TMEM255B: variants seen among roughly 807,000 people sequenced by gnomAD.
The protein encoded by TMEM255B is family with sequence similarity 70, member B.
In TMEM255B, 35 loss-of-function variants were observed where a neutral mutation model predicts 34.5. That is an observed-to-expected ratio of 1.01 (90% CI 0.77 to 1.34). TMEM255B has a LOEUF of 1.34. TMEM255B is among the 40% of genes most tolerant of loss of function. The pLI is 0.00. For synonymous variants in TMEM255B, 206 were observed against 201.2 expected (o/e 1.02, Z -0.20); for missense variants, 432 against 433.2 (o/e 1.00, Z 0.02).
Position 113,803,944 on chromosome 13 carries a change from G to A in TMEM255B, c.670-941G>A, listed in dbSNP as rs184931313. Reference sequence around the variant, plus strand: ...CGGGTTGTCACCGTGTCCCCGGGTCGTCACCGTGGCCAGCCCCTCGCAGCG... The same window carrying A: ...CGGGTTGTCACCGTGTCCCCGGGTCATCACCGTGGCCAGCCCCTCGCAGCG... On this transcript the variant is annotated intron_variant, in intron 7 of 8. Coordinates refer to ENST00000375353, the MANE Select transcript of TMEM255B (RefSeq NM_182614.4). 3.8e-3 allele frequency among the ~76,000 whole-genome samples: 583 copies of A among 152,348 alleles called. 7 individuals are homozygous for A. The highest frequency in any genetic ancestry group is 0.013 in the African/African-American group (539 of 41,562).
At chr13:113,768,913 A>T (rs1248238647) in intron 2 of TMEM255B, 185 bp from the exon 3 acceptor site, 1 of 692,030 alleles carries the variant, frequency 1.4e-6, no homozygotes, top group Non-Finnish European at 2.7e-6. Context: ...GATGTTGCAG[A>T]GATGCCTGCC....
rs1018370472 is a variant in TMEM255B at position 113,814,582 on chromosome 13, G to T, written c.*2679G>T. 6.6e-6 allele frequency: 1 copy of T among 152,234 alleles called. No individual in the cohort carries two copies. The highest frequency in any genetic ancestry group is 2.4e-5 in the African/African-American group (1 of 41,448). The allele number at this position is 152,234 out of a possible 1,614,324, so 9.4% of individuals were successfully genotyped here. A position where few individuals can be genotyped will look rare whatever the true frequency, so the allele number is the denominator to read the frequency against. On this transcript the variant is annotated 3_prime_UTR_variant, in exon 9 of 9. Coordinates refer to ENST00000375353, the MANE Select transcript of TMEM255B (RefSeq NM_182614.4). The stretch of plus-strand genomic sequence containing the variant: ...GGTCCCAGGGCAGCTCCCACCTGGC[G>T]CAGGGCTCCGGCCAATGCCTGGCCT...
At chr13:113,766,823 G>A (rs574031478) in intron 2 of TMEM255B, among the ~76,000 whole-genome samples, 5 of 152,230 alleles carry the variant, frequency 3.3e-5, no homozygotes, top group South Asian at 4.1e-4. Flanking sequence ...TCATCCACCC[G>A]TCAGGCCAGA....
At chr13:113,781,546 A>G (rs2050666624) in intron 3 of TMEM255B, among the ~76,000 whole-genome samples, 1 of 152,242 alleles carries the variant, frequency 6.6e-6, no homozygotes, top group Non-Finnish European at 1.5e-5. Context: ...ACTTTTGGTG[A>G]AGACCTTGGT....
chr13:113,790,145 GGC>G lies in TMEM255B; in HGVS notation c.253-5002_253-5001del, dbSNP rs1434583781. Among the ~76,000 whole-genome samples the G allele has an allele frequency of 5.4e-5, 7 of 129,346 alleles. No individual in the cohort carries two copies. The South Asian group carries it at 1.5e-3, about 27-fold the overall frequency. 84.9% of individuals were successfully genotyped at this position (129,346 alleles called of 152,430 possible). A position where few individuals can be genotyped will look rare whatever the true frequency, so the allele number is the denominator to read the frequency against. On this transcript the variant is annotated intron_variant, in intron 3 of 8. Transcript: ENST00000375353. ...GGACATCCTAGTGCTGGACTGACCG[GGC>G]ACATGGACATCCTAACACTGAACTG...
Position 113,770,575 on chromosome 13 carries a change from G to C in TMEM255B, c.252+1415G>C, listed in dbSNP as rs1266019261. ...GCAAAGCGTTCTGTTCTGCATAGTAGAGACAGTGTGCACTGCAGGGTGAGC... is the reference window on the plus strand; with the variant it reads ...GCAAAGCGTTCTGTTCTGCATAGTACAGACAGTGTGCACTGCAGGGTGAGC... On this transcript the variant is annotated intron_variant, in intron 3 of 8. Transcript: ENST00000375353. The surrounding 1 kb of genome is among the most constrained non-coding windows in gnomAD (Gnocchi z 4.6). Among the ~76,000 whole-genome samples the C allele has an allele frequency of 6.6e-6, 1 of 152,204 alleles. No individual in the cohort carries two copies. Among genetic ancestry groups the C allele is most frequent in the Non-Finnish European group, 1.5e-5 (1 of 68,044 alleles).
intron 3 of TMEM255B, among the ~76,000 whole-genome samples, chr13:113,784,411 G>A (rs1566730087): frequency 6.6e-6 from 1 of 152,136 alleles, no homozygotes; most frequent in Non-Finnish European, 1.5e-5. Context: ...GCCAGGGGAG[G>A]GCAGATCTTA....
chr13:113,806,920 G>A lies in TMEM255B; in HGVS notation c.813+1892G>A, dbSNP rs113384706. Among the ~76,000 whole-genome samples the A allele has an allele frequency of 6.2e-3, 941 of 152,268 alleles. 10 individuals carry two copies. The highest frequency in any genetic ancestry group is 0.022 in the African/African-American group (896 of 41,546). ...TCTACACAGACACAGACTTGGAATCGCATGGGTGCCAAGAACGTGCAGCCC... is the reference window on the plus strand; with the variant it reads ...TCTACACAGACACAGACTTGGAATCACATGGGTGCCAAGAACGTGCAGCCC... On this transcript the variant is annotated intron_variant, in intron 8 of 8. Coordinates refer to ENST00000375353, the MANE Select transcript of TMEM255B (RefSeq NM_182614.4). The surrounding 1 kb of genome is among the most constrained non-coding windows in gnomAD (Gnocchi z 4.2).
Position 113,769,215 on chromosome 13 carries a change from C to T in TMEM255B, c.252+55C>T, listed in dbSNP as rs906041447. ...ATGAGTCCCTCATCAGGGGATGGTA[C>T]AGCTGCACTGGGGCTCTGAGAAGAG... On this transcript the variant is annotated intron_variant, in intron 3 of 8. Coordinates refer to ENST00000375353, the MANE Select transcript of TMEM255B (RefSeq NM_182614.4). This position sits in a 1 kb window ranked among gnomAD's most constrained non-coding sequence, Gnocchi z 4.2. 2.0e-5 allele frequency: 32 copies of T among 1,586,682 alleles called. No homozygotes were observed. The highest frequency in any genetic ancestry group is 2.7e-5 in the Non-Finnish European group (31 of 1,155,512).
intron 3 of TMEM255B, among the ~76,000 whole-genome samples, chr13:113,779,448 T>C (rs1220320183): frequency 6.6e-6 from 1 of 152,078 alleles, no homozygotes; most frequent in African/African-American, 2.4e-5. Flanking sequence ...AGAGGTGGAT[T>C]TGTTCCCGGA....
At chr13:113,798,377 T>C (rs908092068) in intron 4 of TMEM255B, among the ~76,000 whole-genome samples, 2 of 150,088 alleles carry the variant, frequency 1.3e-5, no homozygotes, top group Non-Finnish European at 3.0e-5. Flanking sequence ...GGATGGATAA[T>C]GGATGGATGA....
At chr13:113,771,983 C>T in intron 3 of TMEM255B, among the ~76,000 whole-genome samples, 1 of 152,124 alleles carries the variant, frequency 6.6e-6, no homozygotes, top group East Asian at 1.9e-4. Context: ...CATGAGGGCT[C>T]CTGTTTCTCC....
intron 3 of TMEM255B, among the ~76,000 whole-genome samples, chr13:113,775,573 G>C (rs1431589669): frequency 6.6e-6 from 1 of 152,252 alleles, no homozygotes; most frequent in Non-Finnish European, 1.5e-5. Context: ...CCCCGAGTAG[G>C]TCCCACAAGG....
chr13:113,811,797 C>T lies in TMEM255B; in HGVS notation c.875C>T (p.Pro292Leu), dbSNP rs565775307. 81 of 1,613,954 alleles carry T rather than the reference C, an allele frequency of 5.0e-5. No homozygotes were observed. In the South Asian group the frequency reaches 8.1e-4, roughly 16 times the overall value. ...SALASSEDLQ[P>L]PSPSSSGSGL... The stretch of plus-strand genomic sequence containing the variant: ...CTGGCTTCGTCTGAGGACCTGCAGC[C>T]CCCTTCTCCAAGCAGCTCTGGCTCT... The change falls in exon 9 of 9, where the codon CCC (proline) becomes CTC (leucine). Residue 292 changes from proline to leucine, a missense_variant. Coordinates refer to ENST00000375353, the MANE Select transcript of TMEM255B (RefSeq NM_182614.4).
In TMEM255B at chr13:113,804,946, C is replaced by A; in HGVS notation, c.731C>A (p.Ala244Asp). Residue 244 changes from alanine (A) to aspartate (D), a missense_variant, in exon 8 of 9, where the codon GCC (alanine) becomes GAC (aspartate). Physicochemically the swap from Ala to Asp is moderately radical, Grantham distance 126. Transcript: ENST00000375353. ...CCACCACAGACCCTCTACAACCCCG[C>A]CCAGCAGATCCTGGCCTACGCAGGC... is the stretch of plus-strand genomic sequence containing the variant. Reference protein sequence around the residue: ...AVPPQTLYNPAQQILAYAGFR... With the variant: ...AVPPQTLYNPDQQILAYAGFR... 1 of 1,606,366 alleles carries A rather than the reference C, an allele frequency of 6.2e-7. No individual in the cohort carries two copies.
intron 3 of TMEM255B, among the ~76,000 whole-genome samples, chr13:113,776,390 C>G (rs571727552): frequency 6.6e-6 from 1 of 152,196 alleles, no homozygotes; most frequent in Admixed American, 6.5e-5. Flanking sequence ...GGGGCTGACT[C>G]GGCGGCTCTG....
chr13:113,809,437 C>T (rs1211970707), intron 8 of TMEM255B, among the ~76,000 whole-genome samples: 2 of 116,676 alleles, frequency 1.7e-5, no homozygotes, highest in Non-Finnish European at 3.4e-5. Context: ...GGGATTTATG[C>T]TGTGGTTCCT....
chr13:113,759,745 T>G (rs1281966649), intron 1 of TMEM255B, among the ~76,000 whole-genome samples: 1 of 152,202 alleles, frequency 6.6e-6, no homozygotes, highest in Non-Finnish European at 1.5e-5. Context: ...AAACTTCGTT[T>G]GGAAGAGCGA....
chr13:113,794,977 A>G (rs2050894480), intron 3 of TMEM255B, among the ~76,000 whole-genome samples, 171 bp from the exon 4 acceptor site: 2 of 152,224 alleles, frequency 1.3e-5, no homozygotes. Flanking sequence ...GACGACCCGC[A>G]GGGTGGAGTC....
Sources: gnomAD v4.1 joint callset for allele counts (sites outside exome capture counted in the v4.1 genomes callset) on GRCh38, gnomAD v4.1.1 for gene constraint, Gnocchi (gnomAD v3.1) non-coding constraint, MANE v1.5 for transcripts, NCBI Gene and HGNC (gene_info 2026-07-23, HGNC 2026-07-21) for gene names.